Variants in EXOC6 observed in about 807,000 individuals in gnomAD.
EXOC6 encodes the protein SEC15-like 1.
A neutral mutation model predicts 112.5 loss-of-function variants in EXOC6; 60 were observed. The observed-to-expected ratio is 0.53, with a 90% CI of 0.43 to 0.66. EXOC6 has a LOEUF of 0.66. Among genes scored for constraint, EXOC6 ranks in the 30% least tolerant of loss-of-function variants. The pLI is 0.00. For missense variants in EXOC6, 855 were observed against 957.1 expected (o/e 0.89, Z 1.41); for synonymous variants, 295 against 308.0 (o/e 0.96, Z 0.44).
At chr10:93,001,803 A>G (rs551870980) in intron 19 of EXOC6, among the ~76,000 whole-genome samples, 1 of 152,200 alleles carries the variant, frequency 6.6e-6, no homozygotes, top group Non-Finnish European at 1.5e-5. Flanking sequence ...AGCCAGTTAC[A>G]TGAAAACAGC....
chr10:92,944,676 C>T (rs1264974304), intron 13 of EXOC6, among the ~76,000 whole-genome samples: 2 of 152,138 alleles, frequency 1.3e-5, no homozygotes, highest in Non-Finnish European at 2.9e-5. Context: ...CCACCAACAG[C>T]GTGCAAAGGT....
chr10:92,960,075 CT>C (rs1343760002), intron 17 of EXOC6, among the ~76,000 whole-genome samples: 2 of 152,196 alleles, frequency 1.3e-5, no homozygotes, highest in Non-Finnish European at 2.9e-5. Flanking sequence ...TTTATAGCAG[CT>C]TTATTCATAA....
In EXOC6 at chr10:93,037,575, G is replaced by A. The variant is rs866204528; in HGVS notation, c.2170-19349G>A. 8.6e-5 allele frequency among the ~76,000 whole-genome samples: 13 copies of A among 151,704 alleles called. No individual in the cohort carries two copies. The Middle Eastern group carries it at 0.01, about 120-fold the overall frequency. On this transcript the variant is annotated intron_variant, in intron 20 of 21. Transcript: ENST00000260762. ...CTGCCTCAGCCTCCTGAGTAGCTGG[G>A]ATTACAGGCACGTGCCACCACACCC... is the stretch of plus-strand genomic sequence containing the variant.
chr10:92,997,687 T>C, intron 19 of EXOC6, 72 bp downstream of exon 19: 3 of 1,368,270 alleles, frequency 2.2e-6, no homozygotes, highest in Non-Finnish European at 2.9e-6. Flanking sequence ...AAAATGTATT[T>C]AGCAGGATAG....
At chr10:92,991,841 GA>G (rs934962063) in intron 18 of EXOC6, among the ~76,000 whole-genome samples, 1 of 152,108 alleles carries the variant, frequency 6.6e-6, no homozygotes, top group Non-Finnish European at 1.5e-5. Context: ...AACAACCTGA[GA>G]GGGGAGAATG....
At chr10:92,994,827 A>T (rs190671623) in intron 18 of EXOC6, among the ~76,000 whole-genome samples, 11 of 151,936 alleles carry the variant, frequency 7.2e-5, no homozygotes, top group African/African-American at 2.4e-4. Context: ...ATGGCTATAG[A>T]CATTAAAAAT....
At chr10:92,835,244 T>A (rs2133571861) in intron 1 of EXOC6, among the ~76,000 whole-genome samples, 1 of 152,362 alleles carries the variant, frequency 6.6e-6, no homozygotes, top group East Asian at 1.9e-4. Flanking sequence ...TGTAGCTGCT[T>A]TCTTGAGTGT....
intron 5 of EXOC6, chr10:92,899,893 GAATGAAAATATTGATTAGCTTACC>G (rs1850063629): frequency 1.6e-5 from 6 of 376,374 alleles, no homozygotes; most frequent in Non-Finnish European, 2.9e-5. Flanking sequence ...AGCCGAACAG[GAATGAAAATATTGATTAGCTTACC>G]AACATACTAA....
At chr10:92,955,529 T>G (rs1853645285) in intron 16 of EXOC6, 51 bp from the exon 17 acceptor site, 1 of 1,469,650 alleles carries the variant, frequency 6.8e-7, no homozygotes, top group Non-Finnish European at 9.3e-7. Context: ...AATTAGGTGA[T>G]TTTACATACA....
At chr10:93,012,253 A>G (rs1844283925) in intron 19 of EXOC6, among the ~76,000 whole-genome samples, 1 of 152,238 alleles carries the variant, frequency 6.6e-6, no homozygotes, top group African/African-American at 2.4e-5. Context: ...GATAAAATTA[A>G]TAAGACAGAT....
At position 93,058,448 on chromosome 10, in the gene EXOC6, A is replaced by T. The variant is rs1276353386; in HGVS notation, c.*93A>T. ...TCATGATACAGTAATTTGTTTACAG[A>T]ATCCAAAAATACAATAGAGAAGATA... On this transcript the variant is annotated 3_prime_UTR_variant, in exon 22 of 22. Transcript: ENST00000260762. 3.7e-6 allele frequency: 4 copies of T among 1,083,434 alleles called. No homozygotes were observed. Among genetic ancestry groups the T allele is most frequent in the Non-Finnish European group, 5.0e-6 (4 of 792,454 alleles). The allele number at this position is 1,083,434 out of a possible 1,614,324, so 67.1% of individuals were successfully genotyped here.
At chr10:92,972,327 G>A (rs962243729) in intron 17 of EXOC6, among the ~76,000 whole-genome samples, 12 of 152,178 alleles carry the variant, frequency 7.9e-5, no homozygotes, top group African/African-American at 2.9e-4. Context: ...AATAGTGAAA[G>A]TATGGAGACT....
chr10:92,915,505 G>A (rs1387998924), intron 6 of EXOC6, among the ~76,000 whole-genome samples: 1 of 151,598 alleles, frequency 6.6e-6, no homozygotes, highest in Non-Finnish European at 1.5e-5. Context: ...GGAGGTTGAA[G>A]CTGCAGTGAG....
In EXOC6 at chr10:92,894,814, C is replaced by T. The variant is rs771448251; in HGVS notation, c.294C>T (p.Asn98=). 1.2e-6 allele frequency: 2 copies of T among 1,613,482 alleles called. No homozygotes were observed. The highest frequency in any genetic ancestry group is 2.2e-5 in the South Asian group (2 of 91,032). The part of the protein sequence containing the change: ...EKLKVQVTDT[N]RRFQDAGKEV... Reference sequence around the variant, plus strand: ...TTAAGGTGCAAGTTACTGATACCAACCGAAGGTTTCAAGATGCTGGAAAAG... The same window carrying T: ...TTAAGGTGCAAGTTACTGATACCAATCGAAGGTTTCAAGATGCTGGAAAAG... The change falls in exon 3 of 22, where the codon AAC becomes AAT. Residue 98 remains asparagine (N), a synonymous_variant. Transcript: ENST00000260762.
chr10:92,956,202 A>G (rs1201605871), intron 17 of EXOC6, among the ~76,000 whole-genome samples: 1 of 152,104 alleles, frequency 6.6e-6, no homozygotes, highest in Admixed American at 6.5e-5. Flanking sequence ...ACTGAGGATT[A>G]ATTAATGGTT....
At position 92,973,955 on chromosome 10, in the gene EXOC6, A is replaced by G; in HGVS notation, c.1774-98A>G. 2.8e-6 allele frequency: 3 copies of G among 1,068,086 alleles called. No individual in the cohort carries two copies. The South Asian group carries it at 5.0e-5, about 18-fold the overall frequency. The allele number at this position is 1,068,086 out of a possible 1,614,324, so 66.2% of individuals were successfully genotyped here. On this transcript the variant is annotated intron_variant, in intron 17 of 21. Transcript: ENST00000260762. Reference sequence around the variant, plus strand: ...TGGACTTTGAATAAATGGCTAAAATATTAAACCAAAGGTAAATGTAAAATA... The same window carrying G: ...TGGACTTTGAATAAATGGCTAAAATGTTAAACCAAAGGTAAATGTAAAATA...
chr10:92,851,950 C>T (rs1847368558), intron 1 of EXOC6, among the ~76,000 whole-genome samples: 1 of 151,968 alleles, frequency 6.6e-6, no homozygotes, highest in South Asian at 2.1e-4. Context: ...TGCCTGTGGT[C>T]CCAGCTACTC....
At chr10:92,940,598 T>C (rs1406751231) in intron 12 of EXOC6, 129 bp from the exon 13 acceptor site, 3 of 619,292 alleles carry the variant, frequency 4.8e-6, no homozygotes, top group Non-Finnish European at 8.4e-6. Context: ...ATCTTTTTTT[T>C]CTTACTGTGA....
At chr10:93,004,426 C>A (rs1367291783) in intron 19 of EXOC6, among the ~76,000 whole-genome samples, 1 of 152,088 alleles carries the variant, frequency 6.6e-6, no homozygotes. Flanking sequence ...AAGTTAAGAC[C>A]CAGCTGATAC....
Sources: gnomAD v4.1 joint callset for allele counts (sites outside exome capture counted in the v4.1 genomes callset) on GRCh38, gnomAD v4.1.1 for gene constraint, MANE v1.5 for transcripts, NCBI Gene and HGNC (gene_info 2026-07-23, HGNC 2026-07-21) for gene names.